Variants in ADAMTS17 observed in about 807,000 individuals in gnomAD.
The protein encoded by ADAMTS17 is A disintegrin and metalloproteinase with thrombospondin motifs 17.
In ADAMTS17, 113 loss-of-function variants were observed where a neutral mutation model predicts 141.5. The ratio of observed to expected loss-of-function variants is 0.80; its 90% CI spans 0.69 to 0.93. The LOEUF (loss-of-function observed/expected upper bound fraction) is 0.93. ADAMTS17 is among the 40% of genes least tolerant of loss of function. ADAMTS17 has a pLI of 0.00. For synonymous variants in ADAMTS17, 768 were observed against 630.6 expected, an observed-to-expected ratio of 1.22 and a Z score of -3.27; for missense variants, 1,659 against 1,517.9, an observed-to-expected ratio of 1.09 and a Z score of -1.54.
intron 18 of ADAMTS17, among the ~76,000 whole-genome samples, chr15:100,043,287 C>G (rs2031412185): frequency 6.6e-6 from 1 of 152,238 alleles, no homozygotes; most frequent in East Asian, 1.9e-4. Context: ...CTTCTCTGCT[C>G]TAAGTAATTC....
At chr15:100,183,011 CAG>C (rs1352444493) in intron 8 of ADAMTS17, among the ~76,000 whole-genome samples, 4 of 151,816 alleles carry the variant, frequency 2.6e-5, no homozygotes, top group Admixed American at 2.0e-4. Flanking sequence ...TTTTTTGAGA[CAG>C]AGTCTCGCAC....
chr15:100,089,319 T>TAAG (rs2035303106), intron 15 of ADAMTS17, among the ~76,000 whole-genome samples: 1 of 102,182 alleles, frequency 9.8e-6, no homozygotes, highest in Non-Finnish European at 1.8e-5. Flanking sequence ...TGGCAATCAT[T>TAAG]AAGTCAGGAA....
intron 14 of ADAMTS17, among the ~76,000 whole-genome samples, chr15:100,099,821 T>G (rs2035987286): frequency 6.6e-6 from 1 of 152,136 alleles, no homozygotes; most frequent in Non-Finnish European, 1.5e-5. Context: ...CTGAGAAACA[T>G]GCAGAAAGTG....
At chr15:100,273,710 A>G (rs2043988400) in intron 4 of ADAMTS17, among the ~76,000 whole-genome samples, 1 of 152,176 alleles carries the variant, frequency 6.6e-6, no homozygotes. Context: ...ATCCAAAGCT[A>G]AATTCAAAGC....
chr15:100,060,504 C>T (rs1567106582), intron 15 of ADAMTS17, among the ~76,000 whole-genome samples: 1 of 152,234 alleles, frequency 6.6e-6, no homozygotes, highest in African/African-American at 2.4e-5. Flanking sequence ...GGGAAGGGCA[C>T]TGCTCCTTTT....
chr15:100,033,552 C>T (rs916060444), intron 18 of ADAMTS17, among the ~76,000 whole-genome samples: 2 of 152,190 alleles, frequency 1.3e-5, no homozygotes, highest in Non-Finnish European at 2.9e-5. Context: ...ATAGTTTCTG[C>T]CTGTCTCACG....
chr15:100,154,212 G>A (rs572701464), intron 9 of ADAMTS17, among the ~76,000 whole-genome samples: 24 of 152,160 alleles, frequency 1.6e-4, no homozygotes, highest in African/African-American at 5.3e-4. Context: ...AACCCATCTC[G>A]TGGCCATGAC....
intron 4 of ADAMTS17, among the ~76,000 whole-genome samples, chr15:100,279,427 A>G (rs1481217484): frequency 6.6e-6 from 1 of 152,066 alleles, no homozygotes; most frequent in Non-Finnish European, 1.5e-5. Flanking sequence ...TTCCGGGAAT[A>G]GGCATGTCAT....
Position 100,211,139 on chromosome 15 carries a change from T to TAAAA in ADAMTS17, c.1076-11720_1076-11717dup, listed in dbSNP as rs1555483888. Among the ~76,000 whole-genome samples, 227 of 141,398 alleles carry TAAAA rather than the reference T, an allele frequency of 1.6e-3. 1 individual carries two copies. The highest frequency in any genetic ancestry group is 0.011 in the Middle Eastern group (3 of 284). 92.8% of individuals were successfully genotyped at this position (141,398 alleles called of 152,430 possible). A position where few individuals can be genotyped will look rare whatever the true frequency, so the allele number is the denominator to read the frequency against. On this transcript the variant is annotated intron_variant, in intron 7 of 21. Coordinates refer to ENST00000268070, the MANE Select transcript of ADAMTS17 (RefSeq NM_139057.4). ...ATAAATAAATAAATAAATAAATAAATAAAAATACAAAAATTAGCAGGGCAT... is the reference window on the plus strand; with the variant it reads ...ATAAATAAATAAATAAATAAATAAATAAAAAAAAATACAAAAATTAGCAGGGCAT...
intron 20 of ADAMTS17, among the ~76,000 whole-genome samples, chr15:99,991,390 C>T (rs1017977947): frequency 2.0e-5 from 3 of 152,172 alleles, no homozygotes; most frequent in African/African-American, 4.8e-5. Context: ...CAAAAGAAGA[C>T]ATTTATGCAG....
chr15:100,084,693 G>A (rs1376969517), intron 15 of ADAMTS17, among the ~76,000 whole-genome samples: 7 of 152,150 alleles, frequency 4.6e-5, no homozygotes, highest in Admixed American at 1.3e-4. Flanking sequence ...ACCAATAGGC[G>A]CTGTTCTGCA....
chr15:100,072,059 C>A (rs1357484388), intron 15 of ADAMTS17, among the ~76,000 whole-genome samples: 1 of 148,882 alleles, frequency 6.7e-6, no homozygotes, highest in Admixed American at 6.7e-5. Flanking sequence ...TCCGCAAAGT[C>A]TGAGGATACA....
chr15:100,150,258 T>C (rs3919890), intron 10 of ADAMTS17, among the ~76,000 whole-genome samples: 2,491 of 152,238 alleles, frequency 0.016, 74 homozygotes, highest in African/African-American at 0.057. Flanking sequence ...TCTAACTGAA[T>C]TCCTCTCATG....
At chr15:100,079,591 C>T (rs1040683010) in intron 15 of ADAMTS17, among the ~76,000 whole-genome samples, 1 of 152,128 alleles carries the variant, frequency 6.6e-6, no homozygotes, top group African/African-American at 2.4e-5. Flanking sequence ...TTGGGAATGA[C>T]TGTGGTGATA....
intron 2 of ADAMTS17, among the ~76,000 whole-genome samples, chr15:100,337,263 T>C (rs2046235013): frequency 6.6e-6 from 1 of 152,250 alleles, no homozygotes; most frequent in Non-Finnish European, 1.5e-5. Flanking sequence ...CTGGAATAGC[T>C]GTACGGAACT....
rs771729568 is a variant in ADAMTS17, at chr15:100,051,670, C to T, written c.2357G>A (p.Arg786His). Residue 786 changes from arginine (R) to histidine (H), a missense_variant, in exon 17 of 22, where the codon CGC becomes CAC. By Grantham distance (29) the Arg-to-His change is conservative. Coordinates refer to ENST00000268070, the MANE Select transcript of ADAMTS17 (RefSeq NM_139057.4). ...TGGTTCGCTTTGATTTTCCGCAGTG[C>T]GGTTTACAGGAACAGTGTATTCATA... Reference protein sequence around the residue: ...IHYEYTVPVNRTAENQSEPEK... With the variant: ...IHYEYTVPVNHTAENQSEPEK... The T allele has an allele frequency of 5.0e-6, 8 of 1,614,042 alleles. No individual in the cohort carries two copies. The highest frequency in any genetic ancestry group is 3.3e-5 in the South Asian group (3 of 91,090).
At chr15:100,255,341 A>C (rs1304670418) in intron 6 of ADAMTS17, among the ~76,000 whole-genome samples, 1 of 146,218 alleles carries the variant, frequency 6.8e-6, no homozygotes, top group Non-Finnish European at 1.5e-5. Flanking sequence ...CTCAGGGCCC[A>C]AAGAACGCTT....
chr15:100,067,260 G>T (rs2033607582), intron 15 of ADAMTS17, among the ~76,000 whole-genome samples: 2 of 150,588 alleles, frequency 1.3e-5, no homozygotes, highest in East Asian at 3.9e-4. Flanking sequence ...TTTCTAAGTG[G>T]CCCATCTGTC....
intron 18 of ADAMTS17, among the ~76,000 whole-genome samples, chr15:100,035,812 A>G (rs2030649908): frequency 6.6e-6 from 1 of 152,176 alleles, no homozygotes; most frequent in African/African-American, 2.4e-5. Context: ...ACCTGGGAGT[A>G]AGTAGTATAA....
Sources: gnomAD v4.1 joint callset for allele counts (sites outside exome capture counted in the v4.1 genomes callset) on GRCh38, gnomAD v4.1.1 for gene constraint, MANE v1.5 for transcripts, NCBI Gene and HGNC (gene_info 2026-07-23, HGNC 2026-07-21) for gene names.